Variants in CHST9 observed in about 807,000 individuals in gnomAD.
CHST9 encodes the protein GalNAc-4-sulfotransferase 2.
A neutral mutation model predicts 44.4 loss-of-function variants in CHST9; 41 were observed. The observed-to-expected ratio is 0.92, with a 90% CI of 0.72 to 1.20. The LOEUF is 1.20. Among genes scored for constraint, CHST9 ranks in the 50% most tolerant of loss-of-function variants. The pLI, the probability that CHST9 is intolerant of heterozygous loss-of-function variation, is 0.00. For synonymous variants in CHST9, 171 were observed against 178.4 expected (o/e 0.96, Z 0.33); for missense variants, 504 against 516.5 (o/e 0.98, Z 0.23).
chr18:27,006,039 G>GT (rs1397512404), intron 4 of CHST9, among the ~76,000 whole-genome samples: 1 of 152,080 alleles, frequency 6.6e-6, no homozygotes, highest in African/African-American at 2.4e-5. Flanking sequence ...AAATATTTGT[G>GT]TTTTTTCTCA....
chr18:26,935,233 T>C (rs1181993672), intron 5 of CHST9: 1 of 152,210 alleles, frequency 6.6e-6, no homozygotes, highest in Non-Finnish European at 1.5e-5. Context: ...CCTTCTATTT[T>C]GCTGAGATAA....
At chr18:27,032,478 G>T (rs2057351258) in intron 3 of CHST9, among the ~76,000 whole-genome samples, 1 of 152,178 alleles carries the variant, frequency 6.6e-6, no homozygotes, top group South Asian at 2.1e-4. Context: ...ATGAAGAAAG[G>T]TCTTTGAACA....
At chr18:26,921,671 C>CCAT (rs141291241) in intron 5 of CHST9, among the ~76,000 whole-genome samples, 4,741 of 151,560 alleles carry the variant, frequency 0.031, 149 homozygotes, top group South Asian at 0.076. Flanking sequence ...CAACAAAGTC[C>CCAT]CATCATCATC....
At chr18:27,053,647 C>T (rs1259571036) in intron 2 of CHST9, among the ~76,000 whole-genome samples, 2 of 152,262 alleles carry the variant, frequency 1.3e-5, no homozygotes, top group African/African-American at 4.8e-5. Context: ...ACAGCAAACT[C>T]TACATTTCTT....
At chr18:27,075,240 T>G (rs2057891249) in intron 2 of CHST9, among the ~76,000 whole-genome samples, 1 of 151,736 alleles carries the variant, frequency 6.6e-6, no homozygotes, top group African/African-American at 2.4e-5. Flanking sequence ...GGTTGATATT[T>G]GTCACGCTCA....
intron 4 of CHST9, among the ~76,000 whole-genome samples, chr18:26,959,563 G>A (rs1302307296): frequency 1.3e-5 from 2 of 152,222 alleles, no homozygotes; most frequent in East Asian, 1.9e-4. Context: ...GTTTGATCTG[G>A]ATAGGACATT....
At chr18:27,160,006 T>A (rs1421394344) in intron 1 of CHST9, among the ~76,000 whole-genome samples, 1 of 152,238 alleles carries the variant, frequency 6.6e-6, no homozygotes, top group Non-Finnish European at 1.5e-5. Flanking sequence ...AAGGAGATTT[T>A]GGGCTGAGAC....
chr18:26,926,187 CA>C (rs1190282263), intron 5 of CHST9, among the ~76,000 whole-genome samples: 4 of 152,178 alleles, frequency 2.6e-5, no homozygotes, highest in African/African-American at 9.7e-5. Context: ...TAAACTGCTT[CA>C]ACACAAACCA....
rs1458099741 is a variant in CHST9, at chr18:27,073,663, C to T, written c.122-25160G>A. On this transcript the variant is annotated intron_variant, in intron 2 of 5. Coordinates refer to ENST00000618847, the MANE Select transcript of CHST9 (RefSeq NM_031422.6). Reference sequence around the variant, plus strand: ...CTGCTGCAGGAAGGAGAGTCAAGGTCGCCATTCCATGAGATTGACGTATTC... The same window carrying T: ...CTGCTGCAGGAAGGAGAGTCAAGGTTGCCATTCCATGAGATTGACGTATTC... Among the ~76,000 whole-genome samples, 4 of 151,766 alleles carry T rather than the reference C, an allele frequency of 2.6e-5. No homozygotes were observed. In the South Asian group the frequency reaches 6.3e-4, roughly 24 times the overall value.
At chr18:26,938,342 T>G (rs1041135370) in intron 5 of CHST9, among the ~76,000 whole-genome samples, 78 of 152,346 alleles carry the variant, frequency 5.1e-4, no homozygotes, top group African/African-American at 1.8e-3. Flanking sequence ...CACTTTTCGA[T>G]CCTTTCAGTC....
At chr18:26,986,222 A>G (rs968472178) in intron 4 of CHST9, among the ~76,000 whole-genome samples, 1 of 152,070 alleles carries the variant, frequency 6.6e-6, no homozygotes, top group Non-Finnish European at 1.5e-5. Flanking sequence ...TATATTCTGT[A>G]TGGCCAAAAA....
At chr18:26,979,748 AT>A (rs2056669285) in intron 4 of CHST9, among the ~76,000 whole-genome samples, 1 of 152,194 alleles carries the variant, frequency 6.6e-6, no homozygotes, top group African/African-American at 2.4e-5. Context: ...CTCAAGAAAT[AT>A]TTGTGGAATA....
rs558216373 is a variant in CHST9, at chr18:27,184,957, G to A, written c.-97+179C>T. ...AGGGAAGTGGGTTGGAATACTGGAG[G>A]TAGGGGAGATAGAAAAAGGAAGAAG... On this transcript the variant is annotated intron_variant, in intron 1 of 5. Transcript: ENST00000618847. Among the ~76,000 whole-genome samples the A allele has an allele frequency of 1.1e-4, 16 of 152,216 alleles. No individual in the cohort carries two copies. In the South Asian group the frequency reaches 3.3e-3, roughly 32 times the overall value.
chr18:27,044,799 T>C (rs568397887), intron 3 of CHST9, among the ~76,000 whole-genome samples: 1 of 152,134 alleles, frequency 6.6e-6, no homozygotes, highest in South Asian at 2.1e-4. Context: ...TATAATAAAA[T>C]GAACATGTTA....
In CHST9 at chr18:26,909,763, G is replaced by C. The variant is rs1392052993; in HGVS notation, c.*6496C>G. 1.3e-5 allele frequency: 2 copies of C among 150,860 alleles called. No individual in the cohort carries two copies. Among genetic ancestry groups the C allele is most frequent in the Admixed American group, 1.3e-4 (2 of 15,104 alleles). 9.3% of individuals were successfully genotyped at this position (150,860 alleles called of 1,614,324 possible). On this transcript the variant is annotated 3_prime_UTR_variant, in exon 6 of 6. Coordinates refer to ENST00000618847, the MANE Select transcript of CHST9 (RefSeq NM_031422.6). ...ACCTCTCTAAGTATAGAAGTGGGGGGAGGAGTAGGAGGAGTAGGAGGAGGA... is the reference window on the plus strand; with the variant it reads ...ACCTCTCTAAGTATAGAAGTGGGGGCAGGAGTAGGAGGAGTAGGAGGAGGA...
At chr18:27,025,077 A>G (rs776512129) in intron 3 of CHST9, among the ~76,000 whole-genome samples, 3 of 147,986 alleles carry the variant, frequency 2.0e-5, no homozygotes, top group Non-Finnish European at 4.5e-5. Context: ...TATATATAAT[A>G]TGTATAATAC....
At chr18:26,967,085 T>C (rs2056475329) in intron 4 of CHST9, among the ~76,000 whole-genome samples, 1 of 152,126 alleles carries the variant, frequency 6.6e-6, no homozygotes, top group South Asian at 2.1e-4. Context: ...TTCTTCCTTT[T>C]GTGAATTCTA....
intron 5 of CHST9, among the ~76,000 whole-genome samples, chr18:26,922,761 G>A (rs1282950893): frequency 6.6e-6 from 1 of 152,030 alleles, no homozygotes; most frequent in East Asian, 1.9e-4. Context: ...TCAGCCTCCT[G>A]GGTAGCTGGG....
At chr18:27,075,190 G>C (rs1361843062) in intron 2 of CHST9, among the ~76,000 whole-genome samples, 1 of 106,390 alleles carries the variant, frequency 9.4e-6, no homozygotes, top group East Asian at 2.5e-4. Flanking sequence ...TTTTTTTTTT[G>C]GCTGACACAT....
Sources: gnomAD v4.1 joint callset for allele counts (sites outside exome capture counted in the v4.1 genomes callset) on GRCh38, gnomAD v4.1.1 for gene constraint, MANE v1.5 for transcripts, NCBI Gene and HGNC (gene_info 2026-07-23, HGNC 2026-07-21) for gene names.